Variants in SZT2 observed in about 807,000 individuals in gnomAD.
SZT2 encodes the protein KICSTOR complex protein SZT2.
SZT2 carries 216 observed loss-of-function variants against 404.2 expected under a neutral mutation model. The ratio of observed to expected loss-of-function variants is 0.53; its 90% confidence interval spans 0.48 to 0.60. SZT2 has a LOEUF of 0.60. SZT2 is among the 20% of genes least tolerant of loss of function. SZT2 has a pLI of 0.00. For missense variants in SZT2, 3,857 were observed against 4,459.2 expected, an observed-to-expected ratio of 0.86 and a Z score of 3.85; for synonymous variants, 1,693 against 1,749.9, an observed-to-expected ratio of 0.97 and a Z score of 0.81.
Position 43,450,795 on chromosome 1 carries a change from G to A in SZT2, c.*315G>A, listed in dbSNP as rs1360633818. ...GAGTCTCGGGAGTTCACACAGGGTG[G>A]CAAACACCCCCTAGAGCTCCTCTGC... On this transcript the variant is annotated 3_prime_UTR_variant, in exon 72 of 72. Transcript: ENST00000634258. The surrounding 1 kb of genome is among the most constrained non-coding windows in gnomAD (Gnocchi z 4.3). 2 of 708,096 alleles carry A rather than the reference G, an allele frequency of 2.8e-6. No individual in the cohort carries two copies. The highest frequency in any genetic ancestry group is 2.6e-6 in the Non-Finnish European group (1 of 382,144). 43.9% of individuals were successfully genotyped at this position (708,096 alleles called of 1,614,324 possible).
chr1:43,393,628 TG>T (rs1648661494), intron 1 of SZT2, among the ~76,000 whole-genome samples: 1 of 152,134 alleles, frequency 6.6e-6, no homozygotes, highest in South Asian at 2.1e-4. Flanking sequence ...CATTATTTTG[TG>T]GGAATGTGTT....
chr1:43,432,044 A>T (rs773945215), intron 36 of SZT2, 143 bp downstream of exon 36: 54 of 1,196,714 alleles, frequency 4.5e-5, no homozygotes, highest in Non-Finnish European at 5.7e-5. Flanking sequence ...CATCTGCCCT[A>T]ACCCCTGTGC....
At position 43,451,558 on chromosome 1, in the gene SZT2, T is replaced by G; in HGVS notation, c.*1078T>G. On this transcript the variant is annotated 3_prime_UTR_variant, in exon 72 of 72. Transcript: ENST00000634258. ...CCTGCACATGCCCTGGGGACAGATG[T>G]GGACAAATGTGGGGTCCAGGCTCCT... 1.2e-6 allele frequency: 2 copies of G among 1,613,460 alleles called. No homozygotes were observed. The highest frequency in any genetic ancestry group is 1.7e-6 in the Non-Finnish European group (2 of 1,179,592).
chr1:43,418,482 G>C (rs1188723431), intron 7 of SZT2, among the ~76,000 whole-genome samples: 1 of 152,186 alleles, frequency 6.6e-6, no homozygotes, highest in African/African-American at 2.4e-5. Flanking sequence ...ATTTCTCTCT[G>C]AAGTAAAAGG....
In SZT2 at chr1:43,401,643, G is replaced by A. The variant is rs138862943; in HGVS notation, c.28-1534G>A. Among the ~76,000 whole-genome samples, 243 of 151,978 alleles carry A rather than the reference G, an allele frequency of 1.6e-3. 3 individuals carry two copies. In the East Asian group the frequency reaches 0.042, roughly 26 times the overall value. On this transcript the variant is annotated intron_variant, in intron 1 of 71. Transcript: ENST00000634258. ...TGGGATTACAGGTGCCTGCCACCAC[G>A]CCTAGCTAATTTTTGTATTTTTAGT...
At chr1:43,394,885 A>G (rs1469483207) in intron 1 of SZT2, among the ~76,000 whole-genome samples, 1 of 152,146 alleles carries the variant, frequency 6.6e-6, no homozygotes, top group Non-Finnish European at 1.5e-5. Context: ...ATCTCAAAAA[A>G]AAAAAAAAGA....
At chr1:43,396,328 T>C (rs532990434) in intron 1 of SZT2, among the ~76,000 whole-genome samples, 31 of 152,348 alleles carry the variant, frequency 2.0e-4, no homozygotes, top group Admixed American at 6.5e-5. Context: ...ACATGTTTAA[T>C]AGACTCTCGT....
At position 43,448,681 on chromosome 1, in the gene SZT2, C is replaced by T; in HGVS notation, c.10039C>T (p.Gln3347Ter). ...LIKVLLSRFP[Q>*]SCRHFQSPDL... ...CAAAGTTCTCCTAAGCCGCTTCCCC[C>T]AGAGCTGTCGCCATTTCCAAAGCCC... The change falls in exon 70 of 72, where the codon CAG (glutamine) becomes TAG (stop). Residue 3347 changes from glutamine to a stop codon, truncating the protein, a stop_gained. Coordinates refer to ENST00000634258, the MANE Select transcript of SZT2 (RefSeq NM_001365999.1). LOFTEE classifies it high-confidence loss of function. This position sits in a 1 kb window ranked among gnomAD's most constrained non-coding sequence, Gnocchi z 4.2. 6.2e-7 allele frequency: 1 copy of T among 1,614,216 alleles called. No homozygotes were observed. Among genetic ancestry groups the T allele is most frequent in the Non-Finnish European group, 8.5e-7 (1 of 1,180,032 alleles).
At position 43,442,457 on chromosome 1, in the gene SZT2, T is replaced by A; in HGVS notation, c.7990T>A (p.Tyr2664Asn). Reference protein sequence around the residue: ...VVDKKLQLLTYNWAPDLGAAL... With the variant: ...VVDKKLQLLTNNWAPDLGAAL... ...CGACCTCCAGCTACAGCTGCTGACC[T>A]ACAACTGGGCTCCAGACCTGGGGGC... Residue 2664 changes from tyrosine (Y) to asparagine (N), a missense_variant, in exon 58 of 72, where the codon TAC becomes AAC. Coordinates refer to ENST00000634258, the MANE Select transcript of SZT2 (RefSeq NM_001365999.1). The surrounding 1 kb of genome is among the most constrained non-coding windows in gnomAD (Gnocchi z 4.5). The A allele has an allele frequency of 3.1e-6, 5 of 1,613,486 alleles. No homozygotes were observed. The highest frequency in any genetic ancestry group is 4.2e-6 in the Non-Finnish European group (5 of 1,179,560).
rs1553157766 is a variant in SZT2 at position 43,451,494 on chromosome 1, C to T, written c.*1014C>T. 15 of 1,614,030 alleles carry T rather than the reference C, an allele frequency of 9.3e-6. No homozygotes were observed. Among genetic ancestry groups the T allele is most frequent in the Admixed American group, 6.7e-5 (4 of 60,012 alleles). On this transcript the variant is annotated 3_prime_UTR_variant, in exon 72 of 72. Coordinates refer to ENST00000634258, the MANE Select transcript of SZT2 (RefSeq NM_001365999.1). ...AACAGATAGGGGAAATTCAGCTCTC[C>T]GGGGCTGCTGGGCTCCCCTCGGCCT...
Position 43,448,318 on chromosome 1 carries a change from T to C in SZT2, c.9803T>C (p.Leu3268Pro), listed in dbSNP as rs1655942704. 1.3e-6 allele frequency: 2 copies of C among 1,553,266 alleles called. No homozygotes were observed. The highest frequency in any genetic ancestry group is 1.7e-6 in the Non-Finnish European group (2 of 1,148,574). The change falls in exon 69 of 72, where the codon CTG becomes CCG. Residue 3268 changes from leucine to proline, a missense_variant. Physicochemically the swap from Leu to Pro is moderately conservative, Grantham distance 98. Around this residue, in one of 7 missense-constraint regions of SZT2, gnomAD observed 717 missense variants for 868.2 expected, o/e 0.83. Coordinates refer to ENST00000634258, the MANE Select transcript of SZT2 (RefSeq NM_001365999.1). The surrounding 1 kb of genome is among the most constrained non-coding windows in gnomAD (Gnocchi z 4.2). ...GCACGGCTGGCTCAGCTGGTGCGGC[T>C]GGCTGGAGGGCACTGCCGTCGGGAC... ...ARARLAQLVR[L>P]AGGHCRRDTL...
intron 4 of SZT2, among the ~76,000 whole-genome samples, chr1:43,410,866 G>T (rs1298902009): frequency 1.3e-5 from 2 of 151,350 alleles, no homozygotes; most frequent in Non-Finnish European, 2.9e-5. Context: ...GGGGCTTGAG[G>T]TTGCCCAGGC....
intron 7 of SZT2, among the ~76,000 whole-genome samples, chr1:43,418,891 A>G (rs1460927484): frequency 6.6e-6 from 1 of 152,194 alleles, no homozygotes; most frequent in Non-Finnish European, 1.5e-5. Context: ...GTTGTATGTA[A>G]TCAGTGGGTT....
intron 3 of SZT2, 103 bp downstream of exon 3, chr1:43,403,877 G>A: frequency 7.6e-7 from 1 of 1,313,036 alleles, no homozygotes. Flanking sequence ...CTACCATTTT[G>A]GAGAGAAGAC....
chr1:43,422,132 C>T lies in SZT2; in HGVS notation c.1676C>T (p.Ala559Val), dbSNP rs1309127330. 6.3e-7 allele frequency: 1 copy of T among 1,597,912 alleles called. No individual in the cohort carries two copies. The highest frequency in any genetic ancestry group is 1.7e-4 in the Middle Eastern group (1 of 6,058). ...SGSDSSHAQF[A>V]AYWKPVLSMD... is the part of the protein sequence containing the mutation. The stretch of plus-strand genomic sequence containing the variant: ...TCTGACTCATCCCATGCCCAGTTTG[C>T]TGCCTACTGGAAGCCAGTGCTGTCC... Residue 559 changes from alanine to valine, a missense_variant, in exon 12 of 72, where the codon GCT becomes GTT. Ala to Val is a moderately conservative substitution (Grantham distance 64, BLOSUM62 0). Transcript: ENST00000634258.
At position 43,416,164 on chromosome 1, in the gene SZT2, G is replaced by A. The variant is rs1651698686; in HGVS notation, c.772+63G>A. 5 of 1,559,944 alleles carry A rather than the reference G, an allele frequency of 3.2e-6. No homozygotes were observed. The Admixed American group carries it at 9.1e-5, about 28-fold the overall frequency. On this transcript the variant is annotated intron_variant, in intron 6 of 71. Coordinates refer to ENST00000634258, the MANE Select transcript of SZT2 (RefSeq NM_001365999.1). Reference sequence around the variant, plus strand: ...GGATACAGGAAGGGTGGGGCTGACTGCTAACAAAGATAGCAGTTCCAGGGA... The same window carrying A: ...GGATACAGGAAGGGTGGGGCTGACTACTAACAAAGATAGCAGTTCCAGGGA...
intron 3 of SZT2, chr1:43,403,986 G>C: frequency 1.7e-6 from 1 of 588,398 alleles, no homozygotes; most frequent in Non-Finnish European, 3.0e-6. Context: ...AAGGCGGGCT[G>C]ATTACTCGAG....
chr1:43,443,328 A>G (rs534757177), intron 60 of SZT2, 24 bp from the exon 61 acceptor site: 9 of 1,614,142 alleles, frequency 5.6e-6, no homozygotes, highest in African/African-American at 4.0e-5. Context: ...TCACTGCTCC[A>G]TGCTCACTGC....
chr1:43,445,858 C>A, intron 62 of SZT2, 36 bp from the exon 63 acceptor site: 1 of 1,597,018 alleles, frequency 6.3e-7, no homozygotes, highest in Non-Finnish European at 8.6e-7. Flanking sequence ...TGCCACTAGC[C>A]TGCCTCATCC....
Sources: gnomAD v4.1 joint callset for allele counts (sites outside exome capture counted in the v4.1 genomes callset) on GRCh38, gnomAD v4.1.1 for gene constraint, gnomAD v4.1.1 regional missense constraint, Gnocchi (gnomAD v3.1) non-coding constraint, MANE v1.5 for transcripts, NCBI Gene and HGNC (gene_info 2026-07-23, HGNC 2026-07-21) for gene names.